ALMS1: variants seen among roughly 807,000 people sequenced by gnomAD.
The protein encoded by ALMS1 is centrosome-associated protein ALMS1.
Under a neutral mutation model 352.2 loss-of-function variants are expected in ALMS1, and 271 were observed. The observed-to-expected ratio is 0.77, with a 90% CI of 0.70 to 0.85. The LOEUF (loss-of-function observed/expected upper bound fraction) is 0.85. ALMS1 is among the 40% of genes least tolerant of loss of function. ALMS1 has a pLI of 0.00. For missense variants in ALMS1, 5,445 were observed against 4,870.7 expected (o/e 1.12, Z -3.51); for synonymous variants, 1,865 against 1,761.2 (o/e 1.06, Z -1.48).
At chr2:73,525,349 A>G (rs1673769226) in intron 11 of ALMS1, among the ~76,000 whole-genome samples, 1 of 152,202 alleles carries the variant, frequency 6.6e-6, no homozygotes, top group African/African-American at 2.4e-5. Context: ...GGAATCTACA[A>G]ACTAACTGTT....
At chr2:73,460,759 C>T (rs972100518) in intron 9 of ALMS1, among the ~76,000 whole-genome samples, 3 of 152,216 alleles carry the variant, frequency 2.0e-5, no homozygotes, top group African/African-American at 4.8e-5. Flanking sequence ...GCTTTTCCGA[C>T]GGGCTTAAAA....
In ALMS1 at chr2:73,453,702, C is replaced by G; in HGVS notation, c.7175C>G (p.Pro2392Arg). The G allele has an allele frequency of 6.2e-7, 1 of 1,614,092 alleles. No individual in the cohort carries two copies. The highest frequency in any genetic ancestry group is 8.5e-7 in the Non-Finnish European group (1 of 1,180,002). ...QAAKSVMRSEPEGCSGTIGNK... is the reference protein window; with the variant it reads ...QAAKSVMRSEREGCSGTIGNK... ...GCCAAATCTGTAATGAGGTCTGAAC[C>G]TGAAGGGTGTAGTGGAACCATTGGG... is the stretch of plus-strand genomic sequence containing the variant. The change falls in exon 8 of 23, where the codon CCT (proline) becomes CGT (arginine). Residue 2392 changes from proline (P) to arginine (R), a missense_variant. By Grantham distance (103) the Pro-to-Arg change is moderately radical. Transcript: ENST00000613296.
chr2:73,385,769 A>T (rs1574423410), upstream of ALMS1: 1 of 574,380 alleles, frequency 1.7e-6, no homozygotes, highest in South Asian at 2.0e-5. Context: ...GGCGGGCGGC[A>T]CTGCGCCTAA....
chr2:73,492,717 A>G (rs1229946707), intron 10 of ALMS1, among the ~76,000 whole-genome samples: 1 of 152,214 alleles, frequency 6.6e-6, no homozygotes, highest in African/African-American at 2.4e-5. Context: ...AAAATAGTAG[A>G]GTGCCATAGA....
intron 12 of ALMS1, among the ~76,000 whole-genome samples, chr2:73,537,857 T>C (rs1189630868): frequency 6.6e-6 from 1 of 151,974 alleles, no homozygotes; most frequent in Non-Finnish European, 1.5e-5. Context: ...AAATTAAAAA[T>C]CAGCCAAGCA....
intron 16 of ALMS1, among the ~76,000 whole-genome samples, chr2:73,598,214 CA>C (rs1224943032): frequency 6.6e-6 from 1 of 152,126 alleles, no homozygotes; most frequent in Non-Finnish European, 1.5e-5. Context: ...GCATTTTGTT[CA>C]AATCTAGGTA....
At chr2:73,415,225 T>G (rs905985429) in intron 2 of ALMS1, among the ~76,000 whole-genome samples, 1 of 152,184 alleles carries the variant, frequency 6.6e-6, no homozygotes, top group Non-Finnish European at 1.5e-5. Context: ...ACAAAGAATA[T>G]TTGATGATTG....
chr2:73,425,020 C>A, intron 5 of ALMS1, 118 bp downstream of exon 5: 1 of 800,622 alleles, frequency 1.2e-6, no homozygotes, highest in Non-Finnish European at 1.9e-6. Context: ...AAAGAGGGAA[C>A]TTTGCACCAC....
At chr2:73,493,279 A>G (rs897473550) in intron 10 of ALMS1, among the ~76,000 whole-genome samples, 2 of 151,820 alleles carry the variant, frequency 1.3e-5, no homozygotes, top group East Asian at 1.9e-4. Context: ...TCACATGGCC[A>G]TTGAGCATTG....
intron 12 of ALMS1, among the ~76,000 whole-genome samples, chr2:73,541,068 C>T (rs553640006): frequency 1.1e-4 from 16 of 152,366 alleles, no homozygotes; most frequent in Non-Finnish European, 1.0e-4. Context: ...ACAGAATATA[C>T]AGTCTTCTCA....
At chr2:73,599,264 A>T in intron 16 of ALMS1, 137 bp from the exon 17 acceptor site, 1 of 1,113,100 alleles carries the variant, frequency 9.0e-7, no homozygotes, top group South Asian at 1.3e-5. Flanking sequence ...GCAAGTTCAC[A>T]GTATCTCAAG....
At chr2:73,517,106 C>T (rs1673574151) in intron 10 of ALMS1, among the ~76,000 whole-genome samples, 1 of 151,816 alleles carries the variant, frequency 6.6e-6, no homozygotes, top group South Asian at 2.1e-4. Context: ...TTGTCCTTTT[C>T]AATTAGTGAA....
chr2:73,453,142 A>G lies in ALMS1; in HGVS notation c.6615A>G (p.Leu2205=). ...TTGTTTCAGAACATGTCCAAAGGCT[A>G]ATAGATAATTTGAATTCTTCTGACT... The part of the protein sequence containing the change: ...HKLVSEHVQR[L]IDNLNSSDSS... Residue 2205 remains leucine, a synonymous_variant, in exon 8 of 23, where the codon CTA becomes CTG. Coordinates refer to ENST00000613296, the MANE Select transcript of ALMS1 (RefSeq NM_001378454.1). The G allele has an allele frequency of 6.2e-7, 1 of 1,614,058 alleles. No homozygotes were observed. Among genetic ancestry groups the G allele is most frequent in the East Asian group, 2.2e-5 (1 of 44,872 alleles).
chr2:73,602,757 C>T (rs1269617033), intron 20 of ALMS1, among the ~76,000 whole-genome samples: 3 of 152,152 alleles, frequency 2.0e-5, no homozygotes, highest in Middle Eastern at 3.2e-3. Flanking sequence ...TTCACATTAG[C>T]GCTTACAGCA....
At chr2:73,519,271 T>G (rs542527562) in intron 10 of ALMS1, among the ~76,000 whole-genome samples, 9 of 152,112 alleles carry the variant, frequency 5.9e-5, no homozygotes, top group Non-Finnish European at 8.8e-5. Context: ...AAAATTTGCT[T>G]CTTCTTTCCA....
chr2:73,550,166 G>A, intron 12 of ALMS1, 101 bp from the exon 13 acceptor site: 1 of 1,304,598 alleles, frequency 7.7e-7, no homozygotes, highest in South Asian at 1.3e-5. Context: ...GGCCTGTAGT[G>A]CTTTTTTCAT....
chr2:73,597,909 A>G (rs757654857), intron 16 of ALMS1, among the ~76,000 whole-genome samples: 10 of 152,010 alleles, frequency 6.6e-5, no homozygotes, highest in Non-Finnish European at 1.2e-4. Context: ...TGGGATCCTG[A>G]CAGAGGCCCT....
intron 10 of ALMS1, among the ~76,000 whole-genome samples, chr2:73,512,061 A>AT (rs1233524650): frequency 1.3e-5 from 2 of 152,108 alleles, no homozygotes; most frequent in Admixed American, 1.3e-4. Flanking sequence ...TACTGTCAGT[A>AT]TTTTTTATAT....
Position 73,433,891 on chromosome 2 carries a change from A to G in ALMS1, c.1432+1600A>G, listed in dbSNP as rs187406250. Reference sequence around the variant, plus strand: ...ATTTAGCTAGGCTATCTGTTTACATATATCTGTTCATAATATTCCCATGTA... The same window carrying G: ...ATTTAGCTAGGCTATCTGTTTACATGTATCTGTTCATAATATTCCCATGTA... On this transcript the variant is annotated intron_variant, in intron 7 of 22. Transcript: ENST00000613296. 2.6e-5 allele frequency among the ~76,000 whole-genome samples: 4 copies of G among 152,256 alleles called. No individual in the cohort carries two copies. The East Asian group carries it at 7.7e-4, about 29-fold the overall frequency.
Sources: gnomAD v4.1 joint callset for allele counts (sites outside exome capture counted in the v4.1 genomes callset) on GRCh38, gnomAD v4.1.1 for gene constraint, MANE v1.5 for transcripts, NCBI Gene and HGNC (gene_info 2026-07-23, HGNC 2026-07-21) for gene names.